PPP3CA: variants seen among roughly 807,000 people sequenced by gnomAD.
PPP3CA encodes CAM-PRP catalytic subunit.
PPP3CA carries 14 observed loss-of-function variants against 66.5 expected under a neutral mutation model. That is an observed-to-expected ratio of 0.21 (90% confidence interval 0.14 to 0.33). The LOEUF is 0.33. Ranked by LOEUF, PPP3CA falls within the 10% of genes least tolerant of loss-of-function variation. The probability of loss-of-function intolerance (pLI) is 1.00; values close to 1 mark genes in which losing one functional copy is unlikely to be tolerated. For missense variants in PPP3CA, 317 were observed against 639.5 expected (o/e 0.50, Z 5.44); for synonymous variants, 232 against 226.2 (o/e 1.03, Z -0.23).
At chr4:101,241,764 C>T (rs1170304303) in intron 1 of PPP3CA, among the ~76,000 whole-genome samples, 2 of 151,856 alleles carry the variant, frequency 1.3e-5, no homozygotes, top group African/African-American at 4.8e-5. Flanking sequence ...GATAATATAC[C>T]AAAAATCACA....
chr4:101,292,918 T>C (rs1728077617), intron 1 of PPP3CA, among the ~76,000 whole-genome samples: 1 of 152,252 alleles, frequency 6.6e-6, no homozygotes, highest in East Asian at 1.9e-4. Context: ...TCACATAATG[T>C]AAATTATTTT....
intron 8 of PPP3CA, among the ~76,000 whole-genome samples, chr4:101,073,670 C>A (rs1729023084): frequency 6.6e-6 from 1 of 152,046 alleles, no homozygotes; most frequent in Non-Finnish European, 1.5e-5. Flanking sequence ...AGTGAACTCT[C>A]TTAGGCTTAA....
intron 2 of PPP3CA, among the ~76,000 whole-genome samples, chr4:101,160,279 G>A (rs559808011): frequency 2.6e-5 from 4 of 152,002 alleles, no homozygotes; most frequent in Non-Finnish European, 4.4e-5. Context: ...CATTGACAAC[G>A]ACCACTGATA....
intron 2 of PPP3CA, among the ~76,000 whole-genome samples, chr4:101,124,623 G>GAGAA (rs974283773): frequency 7.2e-6 from 1 of 139,502 alleles, no homozygotes; most frequent in Non-Finnish European, 1.6e-5. Context: ...AAAGAAAAAA[G>GAGAA]AGAAAGAAAG....
chr4:101,193,210 ATACCACCTG>A (rs1391294495), intron 2 of PPP3CA, among the ~76,000 whole-genome samples: 1 of 152,224 alleles, frequency 6.6e-6, no homozygotes, highest in African/African-American at 2.4e-5. Context: ...TATGTGATAT[ATACCACCTG>A]TACCAGGTAA....
chr4:101,285,617 G>C (rs901589011), intron 1 of PPP3CA, among the ~76,000 whole-genome samples: 1 of 145,958 alleles, frequency 6.9e-6, no homozygotes, highest in African/African-American at 2.6e-5. Context: ...GTGTGTGTGT[G>C]TGTGTGTGTG....
At chr4:101,270,440 G>A (rs1189432226) in intron 1 of PPP3CA, among the ~76,000 whole-genome samples, 3 of 152,008 alleles carry the variant, frequency 2.0e-5, no homozygotes, top group African/African-American at 4.8e-5. Flanking sequence ...GATGCCATAC[G>A]TTCCTAAAAA....
chr4:101,067,859 A>T (rs1728750704), intron 8 of PPP3CA, among the ~76,000 whole-genome samples: 1 of 151,600 alleles, frequency 6.6e-6, no homozygotes, highest in South Asian at 2.1e-4. Flanking sequence ...CTAATTAAAG[A>T]CCAGCTATCA....
At chr4:101,246,686 A>G (rs1262443831) in intron 1 of PPP3CA, among the ~76,000 whole-genome samples, 1 of 152,200 alleles carries the variant, frequency 6.6e-6, no homozygotes, top group Non-Finnish European at 1.5e-5. Flanking sequence ...AGTTTTACAC[A>G]TACACACACA....
chr4:101,099,573 C>CAT lies in PPP3CA; in HGVS notation c.496+36_496+37dup, dbSNP rs775832249. 8 of 1,255,512 alleles carry CAT rather than the reference C, an allele frequency of 6.4e-6. No homozygotes were observed. The African/African-American group carries it at 1.2e-4, about 19-fold the overall frequency. 77.8% of individuals were successfully genotyped at this position (1,255,512 alleles called of 1,614,324 possible). Reference sequence around the variant, plus strand: ...TATTGATTAAAATTACTTTTTAGCACATATAGTGTTAAAGGAAGGAGGTTG... The same window carrying CAT: ...TATTGATTAAAATTACTTTTTAGCACATATATAGTGTTAAAGGAAGGAGGTTG... On this transcript the variant is annotated intron_variant, in intron 4 of 13. Coordinates refer to ENST00000394854, the MANE Select transcript of PPP3CA (RefSeq NM_000944.5).
intron 11 of PPP3CA, among the ~76,000 whole-genome samples, chr4:101,033,095 AATC>A (rs1727060089): frequency 6.6e-6 from 1 of 152,144 alleles, no homozygotes; most frequent in Admixed American, 6.5e-5. Context: ...TGACACTATT[AATC>A]ATTTTGAATT....
chr4:101,094,333 A>G (rs1259590867), intron 5 of PPP3CA, among the ~76,000 whole-genome samples: 1 of 152,130 alleles, frequency 6.6e-6, no homozygotes, highest in Non-Finnish European at 1.5e-5. Flanking sequence ...TTTCTTTGGG[A>G]AAATTCCTAT....
intron 8 of PPP3CA, among the ~76,000 whole-genome samples, chr4:101,065,599 C>A (rs1394593925): frequency 1.3e-5 from 2 of 152,066 alleles, no homozygotes; most frequent in Non-Finnish European, 2.9e-5. Context: ...GATCATGCAA[C>A]CAGTAACTGA....
chr4:101,309,897 C>T (rs992835851), intron 1 of PPP3CA, among the ~76,000 whole-genome samples: 6 of 152,144 alleles, frequency 3.9e-5, no homozygotes, highest in Non-Finnish European at 8.8e-5. Context: ...AAAGAAAGTA[C>T]GTATTTATCA....
At chr4:101,321,283 T>C (rs140081650) in intron 1 of PPP3CA, among the ~76,000 whole-genome samples, 12 of 152,206 alleles carry the variant, frequency 7.9e-5, no homozygotes, top group African/African-American at 2.9e-4. Flanking sequence ...AAATAAAAAG[T>C]AGAAACAGAA....
intron 11 of PPP3CA, among the ~76,000 whole-genome samples, chr4:101,032,827 G>A (rs9884444): frequency 0.078 from 11,904 of 152,100 alleles, 906 homozygotes; most frequent in African/African-American, 0.19. Context: ...TCTGATTTGT[G>A]GATTAGGGAA....
At chr4:101,307,168 CAAAAAAA>C (rs1331785893) in intron 1 of PPP3CA, among the ~76,000 whole-genome samples, 37 of 77,354 alleles carry the variant, frequency 4.8e-4, no homozygotes, top group African/African-American at 1.5e-3. Flanking sequence ...CACTTTGAAC[CAAAAAAA>C]AAAAAAAAAA....
intron 1 of PPP3CA, among the ~76,000 whole-genome samples, chr4:101,270,173 T>C (rs1336969445): frequency 1.3e-5 from 2 of 152,220 alleles, no homozygotes; most frequent in African/African-American, 2.4e-5. Context: ...ATTTTTACTA[T>C]ATAACATCTG....
At chr4:101,325,027 A>C (rs1348888431) in intron 1 of PPP3CA, among the ~76,000 whole-genome samples, 2 of 152,222 alleles carry the variant, frequency 1.3e-5, no homozygotes, top group Admixed American at 6.5e-5. Flanking sequence ...GAAAAACAAC[A>C]ATAACAATAC....
Sources: allele counts gnomAD v4.1 joint callset (sites outside exome capture counted in the v4.1 genomes callset), GRCh38; gene constraint gnomAD v4.1.1; transcripts MANE v1.5; gene names NCBI Gene and HGNC (gene_info 2026-07-23, HGNC 2026-07-21).